HMX1: variants seen among roughly 807,000 people sequenced by gnomAD.
HMX1 encodes homeobox protein HMX1.
A neutral mutation model predicts 8.9 loss-of-function variants in HMX1; 8 were observed. That is an observed-to-expected ratio of 0.90 (90% confidence interval 0.53 to 1.63). HMX1 has a LOEUF of 1.63. Ranked by LOEUF, HMX1 falls within the 40% of genes most tolerant of loss-of-function variation. The pLI, the probability that HMX1 is intolerant of heterozygous loss-of-function variation, is 0.00. For synonymous variants in HMX1, 311 were observed against 283.4 expected, an observed-to-expected ratio of 1.10 and a Z score of -0.98; for missense variants, 621 against 558.5, an observed-to-expected ratio of 1.11 and a Z score of -1.13.
At chr4:8,851,241 C>T (rs532753785) in intron 1 of HMX1, among the ~76,000 whole-genome samples, 36 of 152,280 alleles carry the variant, frequency 2.4e-4, no homozygotes, top group Admixed American at 6.5e-4. Flanking sequence ...TTCGGGTCTT[C>T]GTGGCAGAAC....
intron 1 of HMX1, among the ~76,000 whole-genome samples, chr4:8,859,763 T>C (rs909270421): frequency 6.6e-6 from 1 of 152,166 alleles, no homozygotes; most frequent in Admixed American, 6.5e-5. Flanking sequence ...CCCCGCCCCT[T>C]CGTCATCGTG....
downstream of HMX1, among the ~76,000 whole-genome samples, chr4:8,863,492 C>G (rs1721897806): frequency 6.6e-6 from 1 of 152,248 alleles, no homozygotes; most frequent in African/African-American, 2.4e-5. Context: ...TCCCTGCATG[C>G]GGATGGGTGA....
downstream of HMX1, among the ~76,000 whole-genome samples, chr4:8,866,247 G>C (rs1046295278): frequency 6.6e-6 from 1 of 152,198 alleles, no homozygotes; most frequent in African/African-American, 2.4e-5. Flanking sequence ...GCGCTACCTT[G>C]ATTGCCCCAA....
chr4:8,871,680 C>T lies in HMX1; in HGVS notation c.-66G>A. 8.8e-7 allele frequency: 1 copy of T among 1,142,384 alleles called. No homozygotes were observed. Among genetic ancestry groups the T allele is most frequent in the Non-Finnish European group, 1.1e-6 (1 of 931,114 alleles). The allele number at this position is 1,142,384 out of a possible 1,614,324, so 70.8% of individuals were successfully genotyped here. ...CCCCGCTGGGGATGGTGGCGCGCGG[C>T]TCCCGGGCGCACGCGCGGGCCGGCC... On this transcript the variant is annotated 5_prime_UTR_variant, in exon 1 of 2. Transcript: ENST00000400677. This position sits in a 1 kb window ranked among gnomAD's most constrained non-coding sequence, Gnocchi z 4.8.
In HMX1 at chr4:8,867,308, C is replaced by A; in HGVS notation, c.*385G>T. The stretch of plus-strand genomic sequence containing the variant: ...GTCTGTGGGGACAGTCACCGCTCAG[C>A]CTTGGACAGCCGGTTCGTAGTTTTC... On this transcript the variant is annotated 3_prime_UTR_variant, in exon 2 of 2. Transcript: ENST00000400677. 1 of 991,298 alleles carries A rather than the reference C, an allele frequency of 1.0e-6. No homozygotes were observed. Among genetic ancestry groups the A allele is most frequent in the Non-Finnish European group, 1.2e-6 (1 of 834,000 alleles). 61.4% of individuals were successfully genotyped at this position (991,298 alleles called of 1,614,324 possible). A position where few individuals can be genotyped will look rare whatever the true frequency, so the allele number is the denominator to read the frequency against.
At chr4:8,852,425 C>T (rs1387705327) in intron 1 of HMX1, among the ~76,000 whole-genome samples, 4 of 152,188 alleles carry the variant, frequency 2.6e-5, no homozygotes, top group Admixed American at 6.5e-5. Context: ...TCAGAGAGGT[C>T]GGAAGCCTTG....
chr4:8,863,405 C>T (rs1721895211), downstream of HMX1, among the ~76,000 whole-genome samples: 1 of 152,238 alleles, frequency 6.6e-6, no homozygotes, highest in African/African-American at 2.4e-5. Flanking sequence ...GCTCACCCAG[C>T]CAGAGTCCAG....
chr4:8,846,241 C>T, exon 2 of HMX1: 1 of 1,533,914 alleles, frequency 6.5e-7, no homozygotes, highest in Non-Finnish European at 8.7e-7. Flanking sequence ...CTCCCACTGT[C>T]ACTTCTGTTC....
chr4:8,867,429 G>A lies in HMX1; in HGVS notation c.*264C>T. ...CCGGGGGGTGGCCGTGGCGCCGGGGGCTGCGCAGCCCAGAGTCTCTGCATG... is the reference window on the plus strand; with the variant it reads ...CCGGGGGGTGGCCGTGGCGCCGGGGACTGCGCAGCCCAGAGTCTCTGCATG... On this transcript the variant is annotated 3_prime_UTR_variant, in exon 2 of 2. Coordinates refer to ENST00000400677, the MANE Select transcript of HMX1 (RefSeq NM_018942.3). 5 of 1,097,620 alleles carry A rather than the reference G, an allele frequency of 4.6e-6. No individual in the cohort carries two copies. Among genetic ancestry groups the A allele is most frequent in the East Asian group, 5.4e-5 (1 of 18,516 alleles). 68.0% of individuals were successfully genotyped at this position (1,097,620 alleles called of 1,614,324 possible).
At chr4:8,857,754 C>T (rs1721660808) in intron 1 of HMX1, among the ~76,000 whole-genome samples, 1 of 152,170 alleles carries the variant, frequency 6.6e-6, no homozygotes, top group East Asian at 1.9e-4. Flanking sequence ...GCATTTTACG[C>T]GACAGGGGAC....
In HMX1 at chr4:8,868,299, C is replaced by T. The variant is rs569299889; in HGVS notation, c.441G>A (p.Ala147=). ...SPETGEEMGR[A]EGAWPRGPGP... ...CGGGGCCTCGCGGCCAGGCGCCCTCCGCACGGCCCATCTCCTCGCCCGTCT... is the reference window on the plus strand; with the variant it reads ...CGGGGCCTCGCGGCCAGGCGCCCTCTGCACGGCCCATCTCCTCGCCCGTCT... Residue 147 remains alanine (A), a synonymous_variant, in exon 2 of 2, where the codon GCG becomes GCA. Coordinates refer to ENST00000400677, the MANE Select transcript of HMX1 (RefSeq NM_018942.3). The surrounding 1 kb of genome is among the most constrained non-coding windows in gnomAD (Gnocchi z 4.6). 19 of 1,443,242 alleles carry T rather than the reference C, an allele frequency of 1.3e-5. 1 individual carries two copies. In the East Asian group the frequency reaches 3.3e-4, roughly 25 times the overall value. The allele number at this position is 1,443,242 out of a possible 1,614,324, so 89.4% of individuals were successfully genotyped here.
intron 1 of HMX1, among the ~76,000 whole-genome samples, chr4:8,854,857 G>C (rs1161013630): frequency 6.6e-6 from 1 of 152,212 alleles, no homozygotes; most frequent in Admixed American, 6.5e-5. Flanking sequence ...TATAATCACA[G>C]GGAGGGATTC....
chr4:8,868,377 C>T lies in HMX1; in HGVS notation c.395-32G>A, dbSNP rs1455600223. The stretch of plus-strand genomic sequence containing the variant: ...GGGAGAGAGGGCACCACCGTTGGTT[C>T]TAGGGCACTGATTACCAGACTCAAT... On this transcript the variant is annotated intron_variant, in intron 1 of 1. Coordinates refer to ENST00000400677, the MANE Select transcript of HMX1 (RefSeq NM_018942.3). This position sits in a 1 kb window ranked among gnomAD's most constrained non-coding sequence, Gnocchi z 4.6. 5 of 1,340,020 alleles carry T rather than the reference C, an allele frequency of 3.7e-6. No homozygotes were observed. Among genetic ancestry groups the T allele is most frequent in the Non-Finnish European group, 4.8e-6 (5 of 1,048,986 alleles). 83.0% of individuals were successfully genotyped at this position (1,340,020 alleles called of 1,614,324 possible). A position where few individuals can be genotyped will look rare whatever the true frequency, so the allele number is the denominator to read the frequency against.
intron 1 of HMX1, chr4:8,846,396 C>T: frequency 2.5e-6 from 3 of 1,217,046 alleles, no homozygotes; most frequent in Non-Finnish European, 1.1e-6. Flanking sequence ...ATCCTGGATG[C>T]TCCACTGCCA....
chr4:8,846,412 A>G (rs1350291396), intron 1 of HMX1: 1 of 1,079,156 alleles, frequency 9.3e-7, no homozygotes, highest in South Asian at 1.6e-5. Context: ...TGCCAGCCAC[A>G]TGGCTCAAAA....
intron 1 of HMX1, among the ~76,000 whole-genome samples, chr4:8,855,865 C>T (rs774974983): frequency 2.8e-4 from 42 of 152,146 alleles, no homozygotes; most frequent in Non-Finnish European, 1.8e-4. Flanking sequence ...AAAGCAGGAT[C>T]CAGCGGGAGC....
chr4:8,863,272 C>T (rs1010031791), downstream of HMX1, among the ~76,000 whole-genome samples: 2 of 152,222 alleles, frequency 1.3e-5, no homozygotes, highest in East Asian at 1.9e-4. Flanking sequence ...CCTCTCAGAA[C>T]CCCGGTTTCC....
intron 1 of HMX1, among the ~76,000 whole-genome samples, chr4:8,857,350 G>A (rs1450136686): frequency 1.3e-5 from 2 of 152,174 alleles, no homozygotes; most frequent in Admixed American, 6.5e-5. Context: ...CCCCTGGAGT[G>A]GCATTCTTGT....
chr4:8,851,417 A>C (rs919116563), intron 1 of HMX1, among the ~76,000 whole-genome samples: 1 of 152,258 alleles, frequency 6.6e-6, no homozygotes, highest in South Asian at 2.1e-4. Context: ...CGGGTGTACA[A>C]TGCACCCCAA....
Sources: allele counts gnomAD v4.1 joint callset (sites outside exome capture counted in the v4.1 genomes callset), GRCh38; gene constraint gnomAD v4.1.1; non-coding constraint Gnocchi (gnomAD v3.1); transcripts MANE v1.5; gene names NCBI Gene and HGNC (gene_info 2026-07-23, HGNC 2026-07-21).